The following ANKRD31 variants were observed in gnomAD, a reference collection of about 807,000 sequenced individuals.
ANKRD31 encodes the protein ankyrin repeat domain-containing protein 31.
ANKRD31 carries 147 observed loss-of-function variants against 186.0 expected under a neutral mutation model. That is an observed-to-expected ratio of 0.79 (90% CI 0.69 to 0.91). The LOEUF is 0.91. Ranked by LOEUF, ANKRD31 falls within the 40% of genes least tolerant of loss-of-function variation. The probability of loss-of-function intolerance (pLI) is 0.00; values close to 1 mark genes in which losing one functional copy is unlikely to be tolerated. For synonymous variants in ANKRD31, 673 were observed against 736.4 expected (o/e 0.91, Z 1.39); for missense variants, 1,986 against 2,148.8 (o/e 0.92, Z 1.50).
chr5:75,179,014 A>C (rs970506717), intron 10 of ANKRD31, among the ~76,000 whole-genome samples: 1 of 152,194 alleles, frequency 6.6e-6, no homozygotes, highest in Non-Finnish European at 1.5e-5. Context: ...AAAAGAGAGA[A>C]GAATCAAATA....
chr5:75,192,328 A>C (rs1561523010), intron 9 of ANKRD31, among the ~76,000 whole-genome samples: 1 of 152,206 alleles, frequency 6.6e-6, no homozygotes, highest in Non-Finnish European at 1.5e-5. Context: ...TCTAAGAATA[A>C]TAACAATTGT....
At chr5:75,190,443 C>T (rs1755028392) in intron 9 of ANKRD31, among the ~76,000 whole-genome samples, 1 of 152,032 alleles carries the variant, frequency 6.6e-6, no homozygotes, top group South Asian at 2.1e-4. Context: ...AGAAGTGTTT[C>T]CTCATCTTTA....
intron 13 of ANKRD31, 21 bp from the exon 14 acceptor site, chr5:75,147,526 G>C (rs1326724477): frequency 5.1e-6 from 7 of 1,376,870 alleles, no homozygotes. Context: ...AAAATACATA[G>C]TTAGCTTTAA....
chr5:75,068,873 T>A (rs1038573845), intron 25 of ANKRD31, among the ~76,000 whole-genome samples: 2 of 152,142 alleles, frequency 1.3e-5, no homozygotes, highest in African/African-American at 4.8e-5. Flanking sequence ...AGGGGCCTGT[T>A]TGAAGTCTAA....
chr5:75,193,966 C>T (rs1755290563), intron 7 of ANKRD31, among the ~76,000 whole-genome samples: 1 of 152,024 alleles, frequency 6.6e-6, no homozygotes, highest in African/African-American at 2.4e-5. Flanking sequence ...GACTATTCAG[C>T]CTAGGGTTTT....
chr5:75,069,734 T>C (rs1194310008), intron 25 of ANKRD31, among the ~76,000 whole-genome samples: 1 of 151,968 alleles, frequency 6.6e-6, no homozygotes, highest in Non-Finnish European at 1.5e-5. Context: ...TTAGTAGAGA[T>C]GGGGTTTCGC....
chr5:75,184,699 TA>T (rs1281609073), intron 10 of ANKRD31, among the ~76,000 whole-genome samples: 2 of 152,064 alleles, frequency 1.3e-5, no homozygotes, highest in Non-Finnish European at 2.9e-5. Context: ...TGGCTATTAT[TA>T]AAAAGACAAA....
intron 12 of ANKRD31, among the ~76,000 whole-genome samples, chr5:75,153,884 G>T (rs1751996035): frequency 1.3e-5 from 2 of 151,944 alleles, no homozygotes; most frequent in African/African-American, 4.8e-5. Flanking sequence ...TCACTGAAAA[G>T]GATATAACCA....
intron 10 of ANKRD31, among the ~76,000 whole-genome samples, chr5:75,176,727 G>A (rs536189200): frequency 1.7e-4 from 26 of 152,196 alleles, no homozygotes; most frequent in South Asian, 4.2e-4. Flanking sequence ...CCAAAAACCC[G>A]TCTGTACGTC....
chr5:75,145,876 T>G, intron 14 of ANKRD31, 111 bp downstream of exon 14: 1 of 975,914 alleles, frequency 1.0e-6, no homozygotes, highest in Non-Finnish European at 1.4e-6. Context: ...GGCCCACATG[T>G]CCTCATTCTT....
Position 75,099,082 on chromosome 5 carries a change from CTTA to C in ANKRD31, c.5331+5143_5331+5145del, listed in dbSNP as rs550685907. On this transcript the variant is annotated intron_variant, in intron 22 of 25. Coordinates refer to ENST00000506364, the MANE Select transcript of ANKRD31 (RefSeq NM_001372053.1). ...GGCTGTGGGTTTGTCATAAATAGCT[CTTA>C]TTATTTTGAGATACATCCCATCGAT... 6.4e-3 allele frequency among the ~76,000 whole-genome samples: 974 copies of C among 152,188 alleles called. 15 individuals are homozygous for C. Among genetic ancestry groups the C allele is most frequent in the African/African-American group, 0.022 (930 of 41,510 alleles).
intron 17 of ANKRD31, among the ~76,000 whole-genome samples, chr5:75,123,165 A>C (rs1243831836): frequency 6.6e-6 from 1 of 152,128 alleles, no homozygotes; most frequent in East Asian, 1.9e-4. Context: ...AATCCAGCTG[A>C]AAACCAAATC....
At chr5:75,204,780 CT>C (rs1756045225) in intron 5 of ANKRD31, among the ~76,000 whole-genome samples, 1 of 152,186 alleles carries the variant, frequency 6.6e-6, no homozygotes, top group South Asian at 2.1e-4. Context: ...CTCCTTGACT[CT>C]TTCCCTACTT....
intron 10 of ANKRD31, among the ~76,000 whole-genome samples, chr5:75,181,919 A>T (rs1754337817): frequency 6.6e-6 from 1 of 151,952 alleles, no homozygotes; most frequent in South Asian, 2.1e-4. Flanking sequence ...CACATGTTGA[A>T]CATGGTAGAC....
At chr5:75,189,239 A>G (rs1754941559) in intron 9 of ANKRD31, among the ~76,000 whole-genome samples, 2 of 152,188 alleles carry the variant, frequency 1.3e-5, no homozygotes, top group African/African-American at 2.4e-5. Context: ...GCACGATTAA[A>G]ATACTTTTCC....
intron 17 of ANKRD31, among the ~76,000 whole-genome samples, chr5:75,130,440 T>C (rs1423089738): frequency 6.6e-6 from 1 of 152,244 alleles, no homozygotes; most frequent in African/African-American, 2.4e-5. Flanking sequence ...TCCTACTGAT[T>C]GGTCCACTTT....
intron 9 of ANKRD31, among the ~76,000 whole-genome samples, chr5:75,191,011 G>T (rs1755074919): frequency 6.6e-6 from 1 of 151,936 alleles, no homozygotes. Flanking sequence ...TTCTTTAAAA[G>T]AATTTTTATC....
intron 10 of ANKRD31, among the ~76,000 whole-genome samples, chr5:75,169,780 TCATAAAATA>T (rs1753187414): frequency 6.6e-6 from 1 of 152,198 alleles, no homozygotes; most frequent in African/African-American, 2.4e-5. Context: ...AGAACACTCA[TCATAAAATA>T]GGGATTACGA....
chr5:75,074,046 T>G (rs534830595), intron 25 of ANKRD31, among the ~76,000 whole-genome samples: 21 of 152,266 alleles, frequency 1.4e-4, no homozygotes, highest in Non-Finnish European at 3.1e-4. Context: ...CATCCCCAAC[T>G]CCACTCAAGT....
Sources: gnomAD v4.1 joint callset for allele counts (sites outside exome capture counted in the v4.1 genomes callset) on GRCh38, gnomAD v4.1.1 for gene constraint, MANE v1.5 for transcripts, NCBI Gene and HGNC (gene_info 2026-07-23, HGNC 2026-07-21) for gene names.